The following HOOK1 variants were observed in gnomAD, a reference collection of about 807,000 sequenced individuals.
HOOK1 encodes the protein protein Hook homolog 1.
A neutral mutation model predicts 112.8 loss-of-function variants in HOOK1; 60 were observed. That is an observed-to-expected ratio of 0.53 (90% CI 0.43 to 0.66). The LOEUF is 0.66. Ranked by LOEUF, HOOK1 falls within the 30% of genes least tolerant of loss-of-function variation. HOOK1 has a pLI of 0.00. For synonymous variants in HOOK1, 294 were observed against 283.8 expected (o/e 1.04, Z -0.36); for missense variants, 770 against 856.0 (o/e 0.90, Z 1.25).
At chr1:59,838,973 G>A (rs995396525) in intron 7 of HOOK1, among the ~76,000 whole-genome samples, 1 of 152,136 alleles carries the variant, frequency 6.6e-6, no homozygotes, top group African/African-American at 2.4e-5. Flanking sequence ...CCCATTACTT[G>A]TGTGTGTCAG....
chr1:59,834,800 C>G (rs1272369999), intron 5 of HOOK1, among the ~76,000 whole-genome samples: 1 of 151,912 alleles, frequency 6.6e-6, no homozygotes, highest in East Asian at 1.9e-4. Context: ...AAAGAGCCAA[C>G]TTTTGGCTTT....
At chr1:59,838,955 A>G (rs1225698030) in intron 7 of HOOK1, among the ~76,000 whole-genome samples, 1 of 152,170 alleles carries the variant, frequency 6.6e-6, no homozygotes, top group African/African-American at 2.4e-5. Context: ...TAAATAGGGA[A>G]TCTTTTCCCC....
At position 59,840,359 on chromosome 1, in the gene HOOK1, C is replaced by T. The variant is rs776442891; in HGVS notation, c.589C>T (p.Leu197=). 6.3e-6 allele frequency: 10 copies of T among 1,591,444 alleles called. No individual in the cohort carries two copies. The South Asian group carries it at 1.2e-4, about 18-fold the overall frequency. The change falls in exon 8 of 22, where the codon CTG becomes TTG. Residue 197 remains leucine (L), a synonymous_variant. Transcript: ENST00000371208. ...LQEALAEKEE[L]RQRCEELDMQ... is the part of the protein sequence containing the mutation. ...GGAAGCACTAGCAGAAAAAGAAGAG[C>T]TGAGGCAAAGATGTGAAGAATTGGA...
At chr1:59,821,723 T>G in intron 1 of HOOK1, 135 bp from the exon 2 acceptor site, 1 of 589,218 alleles carries the variant, frequency 1.7e-6, no homozygotes, top group Non-Finnish European at 2.9e-6. Context: ...TTTGTCTGGG[T>G]CTACATTTAA....
rs1243845103 is a variant in HOOK1, at chr1:59,846,553, T to A, written c.789-492T>A. 8.9e-3 allele frequency among the ~76,000 whole-genome samples: 420 copies of A among 47,008 alleles called. 3 individuals are homozygous for A. The highest frequency in any genetic ancestry group is 0.037 in the African/African-American group (389 of 10,546). The allele number at this position is 47,008 out of a possible 152,430, so 30.8% of individuals were successfully genotyped here. A position where few individuals can be genotyped will look rare whatever the true frequency, so the allele number is the denominator to read the frequency against. On this transcript the variant is annotated intron_variant, in intron 9 of 21. Transcript: ENST00000371208. Reference sequence around the variant, plus strand: ...TTCCTTCCTTCCTTCCTTCCTTCCTTCCTTCCTTCCTTCCTTCCTTCCTTC... The same window carrying A: ...TTCCTTCCTTCCTTCCTTCCTTCCTACCTTCCTTCCTTCCTTCCTTCCTTC...
intron 9 of HOOK1, among the ~76,000 whole-genome samples, chr1:59,845,753 G>T (rs970644540): frequency 1.3e-5 from 2 of 151,702 alleles, no homozygotes; most frequent in Admixed American, 6.6e-5. Context: ...TCCTGTATAT[G>T]TGACTAGATT....
At position 59,872,788 on chromosome 1, in the gene HOOK1, T is replaced by G; in HGVS notation, c.2017-7T>G. The stretch of plus-strand genomic sequence containing the variant: ...TTAAATAAAAAATATATGTTTTTTT[T>G]TTTCAGAGTCTAGCATTCCAGAAAC... On this transcript the variant is annotated splice_polypyrimidine_tract_variant and splice_region_variant and intron_variant, in intron 21 of 21. Coordinates refer to ENST00000371208, the MANE Select transcript of HOOK1 (RefSeq NM_015888.6). 5.7e-6 allele frequency: 8 copies of G among 1,391,970 alleles called. No individual in the cohort carries two copies. Among genetic ancestry groups the G allele is most frequent in the Non-Finnish European group, 7.5e-6 (8 of 1,060,918 alleles). 86.2% of individuals were successfully genotyped at this position (1,391,970 alleles called of 1,614,324 possible). A position where few individuals can be genotyped will look rare whatever the true frequency, so the allele number is the denominator to read the frequency against.
At chr1:59,845,588 CA>C (rs1396107856) in intron 9 of HOOK1, among the ~76,000 whole-genome samples, 1 of 149,034 alleles carries the variant, frequency 6.7e-6, no homozygotes, top group Non-Finnish European at 1.5e-5. Context: ...TTTTTTTTTT[CA>C]ATCATGATTA....
chr1:59,824,718 C>T (rs1382560261), intron 2 of HOOK1, among the ~76,000 whole-genome samples: 7 of 152,110 alleles, frequency 4.6e-5, no homozygotes, highest in Non-Finnish European at 1.0e-4. Context: ...TTAACTTAGA[C>T]ATAAAGAGTC....
intron 1 of HOOK1, 140 bp downstream of exon 1, chr1:59,815,320 C>T (rs1345024560): frequency 2.6e-6 from 2 of 756,548 alleles, no homozygotes; most frequent in Non-Finnish European, 4.1e-6. Context: ...TGCCCTTGAC[C>T]GAGAGAATGC....
chr1:59,844,813 A>G (rs952307883), intron 9 of HOOK1, among the ~76,000 whole-genome samples: 4 of 151,888 alleles, frequency 2.6e-5, no homozygotes, highest in Non-Finnish European at 5.9e-5. Flanking sequence ...TTTGTTTTTG[A>G]TGCTATTGTA....
intron 5 of HOOK1, 43 bp from the exon 6 acceptor site, chr1:59,835,302 T>A (rs1452162570): frequency 9.2e-7 from 1 of 1,086,152 alleles, no homozygotes; most frequent in South Asian, 1.3e-5. Context: ...GTACTATGTG[T>A]AAAGAGTAGA....
At chr1:59,828,717 TATTTA>T in intron 2 of HOOK1, 58 bp from the exon 3 acceptor site, 1 of 1,402,532 alleles carries the variant, frequency 7.1e-7, no homozygotes. Context: ...CTGTTGGCTC[TATTTA>T]ATTTTTTGTG....
chr1:59,832,361 G>T, intron 4 of HOOK1, 148 bp downstream of exon 4: 3 of 572,360 alleles, frequency 5.2e-6, no homozygotes, highest in Non-Finnish European at 3.1e-6. Context: ...TTTATAGAAT[G>T]CTCATTTGTG....
chr1:59,840,164 A>G, intron 7 of HOOK1, 144 bp from the exon 8 acceptor site: 1 of 426,778 alleles, frequency 2.3e-6, no homozygotes, highest in Non-Finnish European at 4.0e-6. Flanking sequence ...TTTTTGTTGT[A>G]AGAGTCATTT....
intron 1 of HOOK1, among the ~76,000 whole-genome samples, chr1:59,821,279 T>C (rs1235182933): frequency 6.6e-6 from 1 of 152,192 alleles, no homozygotes; most frequent in Non-Finnish European, 1.5e-5. Context: ...AACAGATATA[T>C]GTGAAAAGTT....
At chr1:59,865,132 G>T in intron 17 of HOOK1, 31 bp from the exon 18 acceptor site, 4 of 1,329,150 alleles carry the variant, frequency 3.0e-6, no homozygotes, top group South Asian at 1.2e-5. Context: ...ATATGGCAGA[G>T]ACCAGTCTCC....
chr1:59,871,511 C>T (rs868593425), intron 21 of HOOK1, among the ~76,000 whole-genome samples: 2 of 152,160 alleles, frequency 1.3e-5, no homozygotes, highest in Non-Finnish European at 2.9e-5. Flanking sequence ...TTTATTTTAA[C>T]ATCCTCTAAA....
At chr1:59,858,274 T>C (rs1399778216) in intron 12 of HOOK1, among the ~76,000 whole-genome samples, 154 bp from the exon 13 acceptor site, 1 of 152,206 alleles carries the variant, frequency 6.6e-6, no homozygotes, top group Non-Finnish European at 1.5e-5. Context: ...ATACTATTTA[T>C]GTAACTGAAT....
Sources: allele counts gnomAD v4.1 joint callset (sites outside exome capture counted in the v4.1 genomes callset), GRCh38; gene constraint gnomAD v4.1.1; transcripts MANE v1.5; gene names NCBI Gene and HGNC (gene_info 2026-07-23, HGNC 2026-07-21).